The following KMT2C variants were observed in gnomAD, a reference collection of about 807,000 sequenced individuals.
The protein encoded by KMT2C is histone-lysine N-methyltransferase 2C.
KMT2C carries 88 observed loss-of-function variants against 507.9 expected under a neutral mutation model. That is an observed-to-expected ratio of 0.17 (90% CI 0.15 to 0.21). The LOEUF (loss-of-function observed/expected upper bound fraction) is 0.21, where lower values mean the gene tolerates loss of function less well. Ranked by LOEUF, KMT2C falls within the 10% of genes least tolerant of loss-of-function variation. The pLI, the probability that KMT2C is intolerant of heterozygous loss-of-function variation, is 1.00. For synonymous variants in KMT2C, 2,049 were observed against 2,080.8 expected (o/e 0.98, Z 0.42); for missense variants, 4,954 against 5,957.8 (o/e 0.83, Z 5.55).
intron 6 of KMT2C, among the ~76,000 whole-genome samples, chr7:152,297,364 T>G (rs966736721): frequency 6.6e-6 from 1 of 152,122 alleles, no homozygotes; most frequent in African/African-American, 2.4e-5. Context: ...AGGAGACAGT[T>G]GCATAGAAAA....
intron 7 of KMT2C, among the ~76,000 whole-genome samples, chr7:152,271,691 A>AC (rs2095976108): frequency 6.6e-6 from 1 of 151,510 alleles, no homozygotes; most frequent in Non-Finnish European, 1.5e-5. Flanking sequence ...AAAAAAAAAA[A>AC]AAAACCCCAA....
chr7:152,191,865 T>C (rs2093804901), intron 31 of KMT2C, among the ~76,000 whole-genome samples: 1 of 152,204 alleles, frequency 6.6e-6, no homozygotes, highest in Non-Finnish European at 1.5e-5. Flanking sequence ...AGAACTACTA[T>C]TCCTTCAAAC....
intron 43 of KMT2C, 43 bp downstream of exon 43, chr7:152,162,074 A>G (rs1239949547): frequency 6.7e-7 from 1 of 1,496,580 alleles, no homozygotes; most frequent in Admixed American, 2.3e-5. Flanking sequence ...AGTATAATTT[A>G]AAACAAAAGA....
chr7:152,190,102 G>GT (rs1208132460), intron 31 of KMT2C, among the ~76,000 whole-genome samples: 4 of 152,206 alleles, frequency 2.6e-5, no homozygotes, highest in African/African-American at 9.7e-5. Flanking sequence ...AGGTGGAACA[G>GT]TTTCATCGCA....
chr7:152,174,031 AG>A lies in KMT2C; in HGVS notation c.9374+99del, dbSNP rs1336072509. On this transcript the variant is annotated intron_variant, in intron 39 of 58. Transcript: ENST00000262189. ...AACTTAAATAGTGTTGTTCATTCCT[AG>A]ACAAGGGCTTTCCATTTTCTGTATG... The A allele has an allele frequency of 4.6e-6, 3 of 652,170 alleles. No individual in the cohort carries two copies. In the African/African-American group the frequency reaches 5.5e-5, roughly 12 times the overall value. 40.4% of individuals were successfully genotyped at this position (652,170 alleles called of 1,614,324 possible).
At chr7:152,277,284 G>C (rs1432286607) in intron 6 of KMT2C, among the ~76,000 whole-genome samples, 1 of 151,994 alleles carries the variant, frequency 6.6e-6, no homozygotes, top group African/African-American at 2.4e-5. Context: ...TAGGCAACTA[G>C]GATTCTCCCA....
chr7:152,302,784 G>A (rs1447893867), intron 6 of KMT2C, among the ~76,000 whole-genome samples: 1 of 151,956 alleles, frequency 6.6e-6, no homozygotes, highest in East Asian at 1.9e-4. Flanking sequence ...TGAGATTACA[G>A]GCACACACCA....
chr7:152,354,716 A>G (rs1205699715), intron 2 of KMT2C, among the ~76,000 whole-genome samples: 2 of 152,200 alleles, frequency 1.3e-5, no homozygotes, highest in South Asian at 4.1e-4. Context: ...CTGAGAAAGG[A>G]GTATGTTTGG....
chr7:152,153,009 T>A (rs2091761253), intron 48 of KMT2C, 55 bp from the exon 49 acceptor site: 1 of 1,588,988 alleles, frequency 6.3e-7, no homozygotes, highest in South Asian at 1.1e-5. Context: ...AGTGAACCAC[T>A]GAAGAAAAAT....
chr7:152,359,615 A>T (rs1301919642), intron 1 of KMT2C, among the ~76,000 whole-genome samples: 1 of 151,966 alleles, frequency 6.6e-6, no homozygotes, highest in Non-Finnish European at 1.5e-5. Flanking sequence ...ACCAAAAAAA[A>T]AATTCAAAAA....
chr7:152,320,754 A>C (rs2096765888), intron 3 of KMT2C, among the ~76,000 whole-genome samples: 1 of 152,030 alleles, frequency 6.6e-6, no homozygotes, highest in Admixed American at 6.5e-5. Context: ...AGTTTGAGAT[A>C]CTATATTCAG....
rs185683153 is a variant in KMT2C at position 152,302,524 on chromosome 7, T to G, written c.849+7442A>C. On this transcript the variant is annotated intron_variant, in intron 6 of 58. Coordinates refer to ENST00000262189, the MANE Select transcript of KMT2C (RefSeq NM_170606.3). Reference sequence around the variant, plus strand: ...ACCATGCCCAGCCAACACTGAACATTTTATTCAGAAATAGTTAAGAAAACA... The same window carrying G: ...ACCATGCCCAGCCAACACTGAACATGTTATTCAGAAATAGTTAAGAAAACA... Among the ~76,000 whole-genome samples the G allele has an allele frequency of 5.8e-4, 88 of 151,952 alleles. 1 individual carries two copies. The highest frequency in any genetic ancestry group is 6.2e-4 in the Non-Finnish European group (42 of 67,972).
At chr7:152,217,327 A>T (rs550258385) in intron 23 of KMT2C, among the ~76,000 whole-genome samples, 144 of 152,338 alleles carry the variant, frequency 9.5e-4, no homozygotes, top group Middle Eastern at 6.8e-3. Context: ...TTTCAGGATA[A>T]TATAGTAATC....
intron 1 of KMT2C, among the ~76,000 whole-genome samples, chr7:152,377,748 A>C (rs2097340529): frequency 6.6e-6 from 1 of 151,638 alleles, no homozygotes; most frequent in African/African-American, 2.4e-5. Flanking sequence ...AAAAAAAAAA[A>C]AAAAAAGTGA....
chr7:152,318,428 C>T (rs2096741330), intron 3 of KMT2C, among the ~76,000 whole-genome samples: 1 of 151,448 alleles, frequency 6.6e-6, no homozygotes, highest in South Asian at 2.1e-4. Context: ...TGGTGAAGCA[C>T]ACACCACCCA....
rs146835564 is a variant in KMT2C, at chr7:152,360,701, T to C, written c.162-2026A>G. ...AAAATACAAAAACAAAAAGAAAAAT[T>C]AGCTGGGCATGGTGGCACATGCCTG... On this transcript the variant is annotated intron_variant, in intron 1 of 58. Transcript: ENST00000262189. 8.1e-3 allele frequency among the ~76,000 whole-genome samples: 1,225 copies of C among 151,148 alleles called. 18 individuals carry two copies. Among genetic ancestry groups the C allele is most frequent in the African/African-American group, 0.029 (1,181 of 41,156 alleles).
rs140631041 is a variant in KMT2C at position 152,182,344 on chromosome 7, G to A, written c.5516C>T (p.Thr1839Met). The change falls in exon 36 of 59, where the codon ACG becomes ATG. Residue 1839 changes from threonine (T) to methionine (M), a missense_variant. Thr to Met is a moderately conservative substitution (Grantham distance 81, BLOSUM62 -1). Around this residue, in one of 29 missense-constraint regions of KMT2C, gnomAD observed 1,689 missense variants for 1,654.3 expected, o/e 1.02. Transcript: ENST00000262189. Reference sequence around the variant, plus strand: ...AAACACATCATCTGAAGATGTAGACGTAGGGGTACTGGGTGGCTGTTTTGT... The same window carrying A: ...AAACACATCATCTGAAGATGTAGACATAGGGGTACTGGGTGGCTGTTTTGT... ...LFTKQPPSTPTSTSSDDVFVK... is the reference protein window; with the variant it reads ...LFTKQPPSTPMSTSSDDVFVK... 19 of 1,613,884 alleles carry A rather than the reference G, an allele frequency of 1.2e-5. No homozygotes were observed. The highest frequency in any genetic ancestry group is 6.7e-5 in the African/African-American group (5 of 74,932).
chr7:152,433,693 G>C (rs907013989), intron 1 of KMT2C, among the ~76,000 whole-genome samples: 1 of 152,206 alleles, frequency 6.6e-6, no homozygotes, highest in African/African-American at 2.4e-5. Flanking sequence ...CTGTTATTCA[G>C]CAGAAATTTT....
In KMT2C at chr7:152,148,485, T is replaced by G; in HGVS notation, c.13442A>C (p.Asn4481Thr). 6.2e-7 allele frequency: 1 copy of G among 1,614,266 alleles called. No individual in the cohort carries two copies. The highest frequency in any genetic ancestry group is 8.5e-7 in the Non-Finnish European group (1 of 1,180,050). Residue 4481 changes from asparagine to threonine, a missense_variant, in exon 52 of 59, where the codon AAC becomes ACC. This residue lies in a region of KMT2C where 221 missense variants were observed against 304.7 expected (regional missense o/e 0.73). Transcript: ENST00000262189. The surrounding 1 kb of genome is among the most constrained non-coding windows in gnomAD (Gnocchi z 7.1). ...AATGGCGCAAGTGAAGTGATAAATG[T>G]TGGTGCATCGAAATCTGTGGCATCC... ...TSGCHRFRCTNIYHFTCAIKA... is the reference protein window; with the variant it reads ...TSGCHRFRCTTIYHFTCAIKA...
Sources: allele counts gnomAD v4.1 joint callset (sites outside exome capture counted in the v4.1 genomes callset), GRCh38; gene constraint gnomAD v4.1.1; regional missense constraint gnomAD v4.1.1; non-coding constraint Gnocchi (gnomAD v3.1); transcripts MANE v1.5; gene names NCBI Gene and HGNC (gene_info 2026-07-23, HGNC 2026-07-21).